PMFBP1: variants seen among roughly 807,000 people sequenced by gnomAD.
PMFBP1 encodes the protein polyamine modulated factor 1 binding protein 1.
In PMFBP1, 131 loss-of-function variants were observed where a neutral mutation model predicts 137.8. The ratio of observed to expected loss-of-function variants is 0.95; its 90% CI spans 0.82 to 1.10. PMFBP1 has a LOEUF of 1.10. PMFBP1 is among the 50% of genes least tolerant of loss of function. The probability of loss-of-function intolerance (pLI) is 0.00; values close to 1 mark genes in which losing one functional copy is unlikely to be tolerated. For synonymous variants in PMFBP1, 490 were observed against 450.4 expected, an observed-to-expected ratio of 1.09 and a Z score of -1.11; for missense variants, 1,199 against 1,175.4, an observed-to-expected ratio of 1.02 and a Z score of -0.29.
intron 2 of PMFBP1, 81 bp from the exon 3 acceptor site, chr16:72,164,997 G>A (rs2043124164): frequency 7.1e-7 from 1 of 1,410,254 alleles, no homozygotes; most frequent in African/African-American, 1.4e-5. Flanking sequence ...GGTTGACAGA[G>A]ACTTGAAATT....
At chr16:72,160,787 GT>G (rs2043050052) in intron 3 of PMFBP1, among the ~76,000 whole-genome samples, 2 of 152,226 alleles carry the variant, frequency 1.3e-5, no homozygotes, top group African/African-American at 4.8e-5. Context: ...AAAATTCTAA[GT>G]GCTTCATATT....
At chr16:72,240,888 A>G in the PMFBP1 span, among the ~76,000 whole-genome samples, 1 of 151,316 alleles carries the variant, frequency 6.6e-6, no homozygotes, top group Non-Finnish European at 1.5e-5. Context: ...TTATTTTGCA[A>G]TTGTGTGTTG....
Position 72,164,770 on chromosome 16 carries a change from G to C in PMFBP1, c.159C>G (p.Ser53Arg). Reference sequence around the variant, plus strand: ...CTGCTGCCAAGTCCCTTACGTGGCTGCTGTTCATTGCCTCCTCCATGCAGA... The same window carrying C: ...CTGCTGCCAAGTCCCTTACGTGGCTCCTGTTCATTGCCTCCTCCATGCAGA... ...NQLCMEEAMN[S>R]SHDKKQAQAL... Residue 53 changes from serine to arginine, a missense_variant, in exon 3 of 21, where the codon AGC becomes AGG. Ser to Arg is a moderately radical substitution (Grantham distance 110). Transcript: ENST00000237353. The C allele has an allele frequency of 6.3e-7, 1 of 1,588,128 alleles. No homozygotes were observed. Among genetic ancestry groups the C allele is most frequent in the Non-Finnish European group, 8.6e-7 (1 of 1,160,466 alleles).
the PMFBP1 span, among the ~76,000 whole-genome samples, chr16:72,202,335 T>A: frequency 6.6e-6 from 1 of 152,176 alleles, no homozygotes; most frequent in East Asian, 1.9e-4. Flanking sequence ...CTGATGTATC[T>A]CTTTTTAAAA....
chr16:72,237,688 G>A, the PMFBP1 span, among the ~76,000 whole-genome samples: 1 of 151,964 alleles, frequency 6.6e-6, no homozygotes, highest in Non-Finnish European at 1.5e-5. Flanking sequence ...GTGCAGGTTT[G>A]TTGTATAGGT....
chr16:72,204,355 G>T, the PMFBP1 span, among the ~76,000 whole-genome samples: 2 of 151,964 alleles, frequency 1.3e-5, no homozygotes, highest in South Asian at 4.1e-4. Flanking sequence ...GAGATGGGGC[G>T]TGCACCACCG....
intron 1 of PMFBP1, chr16:72,171,794 C>T (rs550435840): frequency 6.6e-6 from 1 of 152,314 alleles, no homozygotes; most frequent in Admixed American, 6.5e-5. Flanking sequence ...TGTAACTATT[C>T]ATATGAAATA....
chr16:72,216,209 C>G, the PMFBP1 span, among the ~76,000 whole-genome samples: 33 of 152,296 alleles, frequency 2.2e-4, no homozygotes, highest in African/African-American at 7.0e-4. Flanking sequence ...TGGAAGAATC[C>G]TCTATCCCAG....
the PMFBP1 span, among the ~76,000 whole-genome samples, chr16:72,248,846 C>T: frequency 1.3e-5 from 2 of 152,156 alleles, no homozygotes; most frequent in South Asian, 2.1e-4. Flanking sequence ...TCATGCTCCC[C>T]AGGACCTCAC....
intron 5 of PMFBP1, among the ~76,000 whole-genome samples, chr16:72,142,019 A>G (rs1163081359): frequency 6.6e-6 from 1 of 151,988 alleles, no homozygotes; most frequent in African/African-American, 2.4e-5. Flanking sequence ...GAAAAAAAAA[A>G]AAAAAAGCAA....
intron 7 of PMFBP1, 40 bp from the exon 8 acceptor site, chr16:72,136,859 G>A: frequency 6.2e-7 from 1 of 1,612,340 alleles, no homozygotes; most frequent in Non-Finnish European, 8.5e-7. Flanking sequence ...GGAGATGAGA[G>A]ACAATGGAGA....
At chr16:72,120,166 A>T (rs747799141) in intron 19 of PMFBP1, 77 bp from the exon 20 acceptor site, 1 of 1,603,542 alleles carries the variant, frequency 6.2e-7, no homozygotes, top group Non-Finnish European at 8.5e-7. Flanking sequence ...AGGACAGATA[A>T]AGGTGTCACA....
Position 72,120,012 on chromosome 16 carries a change from T to C in PMFBP1, c.2846A>G (p.Lys949Arg), listed in dbSNP as rs564430878. 63 of 1,614,166 alleles carry C rather than the reference T, an allele frequency of 3.9e-5. No homozygotes were observed. In the South Asian group the frequency reaches 6.5e-4, roughly 17 times the overall value. The change falls in exon 20 of 21, where the codon AAA becomes AGA. Residue 949 changes from lysine to arginine, a missense_variant. Lys to Arg is a conservative substitution (Grantham distance 26). Transcript: ENST00000237353. ...LKKEIEEKKM[K>R]AENTRLCTKA... Reference sequence around the variant, plus strand: ...GGTGCATAGCCTTGTGTTCTCGGCTTTCATCTTCTTCTCTTCTATCTCCTT... The same window carrying C: ...GGTGCATAGCCTTGTGTTCTCGGCTCTCATCTTCTTCTCTTCTATCTCCTT...
chr16:72,157,409 C>T (rs1002926211), intron 3 of PMFBP1, among the ~76,000 whole-genome samples: 3 of 152,016 alleles, frequency 2.0e-5, no homozygotes, highest in African/African-American at 4.8e-5. Flanking sequence ...GAGAAGCTGA[C>T]GTTTGAACCG....
chr16:72,152,217 G>C (rs1031550393), intron 4 of PMFBP1, among the ~76,000 whole-genome samples: 30 of 152,300 alleles, frequency 2.0e-4, no homozygotes, highest in African/African-American at 6.5e-4. Context: ...ACAAGACATT[G>C]GGGGAACTTG....
chr16:72,164,697 C>T (rs2043117805), intron 3 of PMFBP1, 67 bp downstream of exon 3: 3 of 1,522,050 alleles, frequency 2.0e-6, no homozygotes, highest in Admixed American at 4.0e-5. Context: ...TTCTATTATT[C>T]CCGCCCAAGG....
rs928258805 is a variant in PMFBP1 at position 72,123,572 on chromosome 16, G to C, written c.2667C>G (p.Asn889Lys). The C allele has an allele frequency of 1.2e-6, 2 of 1,613,976 alleles. No homozygotes were observed. The highest frequency in any genetic ancestry group is 2.7e-5 in the African/African-American group (2 of 74,928). ...LYRGNDQIMT[N>K]LEQWAKQQKV... ...TCTGCTGTTTTGCCCATTGCTCCAA[G>C]TTGGTCATAATCTGATCATTCCCTC... is the stretch of plus-strand genomic sequence containing the variant. Residue 889 changes from asparagine (N) to lysine (K), a missense_variant, in exon 18 of 21, where the codon AAC (asparagine) becomes AAG (lysine). Transcript: ENST00000237353.
At chr16:72,188,204 AG>A in the PMFBP1 span, among the ~76,000 whole-genome samples, 1 of 152,256 alleles carries the variant, frequency 6.6e-6, no homozygotes, top group Non-Finnish European at 1.5e-5. Flanking sequence ...AGTTGAAAGG[AG>A]CAAAAGAGGT....
chr16:72,245,526 T>C, the PMFBP1 span, among the ~76,000 whole-genome samples: 1 of 152,196 alleles, frequency 6.6e-6, no homozygotes, highest in Non-Finnish European at 1.5e-5. Context: ...CAGAAAAGGG[T>C]GCACTGCCTG....
Sources: gnomAD v4.1 joint callset for allele counts (sites outside exome capture counted in the v4.1 genomes callset) on GRCh38, gnomAD v4.1.1 for gene constraint, MANE v1.5 for transcripts, NCBI Gene and HGNC (gene_info 2026-07-23, HGNC 2026-07-21) for gene names.